Variants in CSMD1 observed in about 807,000 individuals in gnomAD.
CSMD1 encodes the protein CUB and Sushi multiple domains 1, also known as CUB and sushi domain-containing protein 1.
In CSMD1, 213 loss-of-function variants were observed where a neutral mutation model predicts 417.5. That is an observed-to-expected ratio of 0.51 (90% CI 0.46 to 0.57). The LOEUF is 0.57. Ranked by LOEUF, CSMD1 falls within the 20% of genes least tolerant of loss-of-function variation. The probability of loss-of-function intolerance (pLI) is 0.00; values close to 1 mark genes in which losing one functional copy is unlikely to be tolerated. For missense variants in CSMD1, 6,923 were observed against 4,529.7 expected, an observed-to-expected ratio of 1.53 and a Z score of -15.17; for synonymous variants, 2,862 against 1,736.8, an observed-to-expected ratio of 1.65 and a Z score of -16.11.
intron 1 of CSMD1, among the ~76,000 whole-genome samples, chr8:4,954,451 A>G (rs770763056): frequency 6.6e-6 from 1 of 152,164 alleles, no homozygotes; most frequent in Non-Finnish European, 1.5e-5. Flanking sequence ...AGCTGACACC[A>G]TTTATTGATT....
chr8:4,010,748 G>T (rs1008129650), intron 4 of CSMD1, among the ~76,000 whole-genome samples: 1 of 152,000 alleles, frequency 6.6e-6, no homozygotes, highest in Non-Finnish European at 1.5e-5. Context: ...ACCATCCTTA[G>T]GGCTCATGGC....
intron 3 of CSMD1, among the ~76,000 whole-genome samples, chr8:4,142,364 C>G (rs1478382678): frequency 6.6e-6 from 1 of 150,966 alleles, no homozygotes; most frequent in South Asian, 2.1e-4. Flanking sequence ...TGGCTGTAGG[C>G]AAATATTAGA....
chr8:3,815,606 G>A (rs778851849), intron 5 of CSMD1, among the ~76,000 whole-genome samples: 2 of 145,678 alleles, frequency 1.4e-5, no homozygotes, highest in African/African-American at 5.1e-5. Context: ...ACTTAAAAAT[G>A]TCTATCACTG....
chr8:4,086,918 C>T (rs1390224854), intron 3 of CSMD1, among the ~76,000 whole-genome samples: 4 of 152,188 alleles, frequency 2.6e-5, no homozygotes, highest in African/African-American at 9.7e-5. Flanking sequence ...AGGGTTGAAG[C>T]TTGTTAAACT....
At chr8:3,353,704 A>G (rs1429809420) in intron 21 of CSMD1, among the ~76,000 whole-genome samples, 2 of 152,196 alleles carry the variant, frequency 1.3e-5, no homozygotes, top group East Asian at 1.9e-4. Context: ...GCAGAATTAA[A>G]TGTTTCATTT....
chr8:3,277,773 T>A (rs747788977), intron 26 of CSMD1, among the ~76,000 whole-genome samples: 2 of 152,146 alleles, frequency 1.3e-5, no homozygotes, highest in Non-Finnish European at 2.9e-5. Context: ...GGCTGGTGTT[T>A]CCTTAGGAGT....
intron 1 of CSMD1, among the ~76,000 whole-genome samples, chr8:4,690,388 G>A (rs1368473935): frequency 2.6e-5 from 4 of 152,148 alleles, no homozygotes; most frequent in African/African-American, 4.8e-5. Context: ...GGGGAATGTT[G>A]CTAACACATT....
intron 4 of CSMD1, among the ~76,000 whole-genome samples, chr8:4,025,768 G>A (rs971516132): frequency 6.6e-6 from 1 of 152,106 alleles, no homozygotes; most frequent in Non-Finnish European, 1.5e-5. Context: ...TTTGTTCCCT[G>A]TTTAAGGGAC....
At chr8:3,405,390 G>A (rs1042314440) in intron 15 of CSMD1, among the ~76,000 whole-genome samples, 1 of 152,042 alleles carries the variant, frequency 6.6e-6, no homozygotes. Flanking sequence ...TATTAGATAA[G>A]TAACCAGAAC....
chr8:4,038,030 T>A (rs559462714), intron 3 of CSMD1, among the ~76,000 whole-genome samples: 1 of 152,034 alleles, frequency 6.6e-6, no homozygotes, highest in Non-Finnish European at 1.5e-5. Flanking sequence ...GTAAAAAGTG[T>A]AAATAAGTAT....
At chr8:4,662,572 T>C (rs775353242) in intron 1 of CSMD1, among the ~76,000 whole-genome samples, 1 of 152,230 alleles carries the variant, frequency 6.6e-6, no homozygotes, top group African/African-American at 2.4e-5. Flanking sequence ...TGTAAAGATG[T>C]CATTCATGTG....
chr8:4,987,016 A>G (rs1811212613), intron 1 of CSMD1, among the ~76,000 whole-genome samples: 1 of 152,204 alleles, frequency 6.6e-6, no homozygotes, highest in East Asian at 1.9e-4. Context: ...AGTATACATC[A>G]GGTATTACAC....
At chr8:2,975,755 T>C (rs1404884985) in intron 55 of CSMD1, among the ~76,000 whole-genome samples, 1 of 152,152 alleles carries the variant, frequency 6.6e-6, no homozygotes, top group African/African-American at 2.4e-5. Flanking sequence ...GCTCAGCTGC[T>C]CTAGAGCATG....
intron 3 of CSMD1, among the ~76,000 whole-genome samples, chr8:4,223,244 T>C (rs571156688): frequency 3.3e-5 from 5 of 152,272 alleles, no homozygotes; most frequent in African/African-American, 1.2e-4. Context: ...TGAACATTTA[T>C]CTTTTTCTAT....
chr8:4,791,380 A>G (rs184608523), intron 1 of CSMD1, among the ~76,000 whole-genome samples: 40 of 152,158 alleles, frequency 2.6e-4, no homozygotes, highest in African/African-American at 9.6e-4. Flanking sequence ...TTTCTTTCCA[A>G]TTCAGCCCTT....
Position 4,939,302 on chromosome 8 carries a change from T to G in CSMD1, c.85+55030A>C, listed in dbSNP as rs145922636. ...TATGATGCAGCAATCCTACTGGGTA[T>G]GCATCCAAAGGAGAAGTCCATATGT... On this transcript the variant is annotated intron_variant, in intron 1 of 69. Transcript: ENST00000635120. 2.7e-3 allele frequency among the ~76,000 whole-genome samples: 408 copies of G among 152,326 alleles called. 3 individuals are homozygous for G. Among genetic ancestry groups the G allele is most frequent in the Non-Finnish European group, 4.9e-3 (332 of 68,040 alleles).
intron 23 of CSMD1, among the ~76,000 whole-genome samples, chr8:3,331,194 T>C (rs1290416989): frequency 8.1e-5 from 12 of 147,604 alleles, no homozygotes; most frequent in South Asian, 2.1e-4. Flanking sequence ...GCCGAGATCG[T>C]GCCACTGCAC....
intron 5 of CSMD1, among the ~76,000 whole-genome samples, chr8:3,797,279 A>C (rs1410948996): frequency 6.6e-6 from 1 of 151,962 alleles, no homozygotes; most frequent in East Asian, 1.9e-4. Flanking sequence ...AATTGAGGTA[A>C]AATATACTTC....
chr8:3,207,851 T>C (rs941411828), intron 30 of CSMD1, among the ~76,000 whole-genome samples: 1 of 152,166 alleles, frequency 6.6e-6, no homozygotes, highest in Non-Finnish European at 1.5e-5. Context: ...TTTAGGTTTT[T>C]ATGATTTTAA....
Sources: allele counts gnomAD v4.1 joint callset (sites outside exome capture counted in the v4.1 genomes callset), GRCh38; gene constraint gnomAD v4.1.1; transcripts MANE v1.5; gene names NCBI Gene and HGNC (gene_info 2026-07-23, HGNC 2026-07-21).